Variants in TTN observed in about 807,000 individuals in gnomAD.
TTN encodes the protein titin, also known as connectin.
TTN carries 1,525 observed loss-of-function variants against 3,223.0 expected under a neutral mutation model. The ratio of observed to expected loss-of-function variants is 0.47; its 90% CI spans 0.45 to 0.49. The LOEUF is 0.49. TTN is among the 20% of genes least tolerant of loss of function. The pLI, the probability that TTN is intolerant of heterozygous loss-of-function variation, is 0.00. For synonymous variants in TTN, 14,094 were observed against 15,161.0 expected (o/e 0.93, Z 5.17); for missense variants, 40,786 against 43,424.0 (o/e 0.94, Z 5.40).
Position 178,717,590 on chromosome 2 carries a change from C to T in TTN, c.25284G>A (p.Gly8428=), listed in dbSNP as rs781644794. ...QILQTDQSHI[G]QYNCSASNPL... is the part of the protein sequence containing the mutation. ...GATTAGAAGCAGAGCAATTATACTG[C>T]CCTATGTGGCTCTGGTCAGTTTGTA... The change falls in exon 87 of 363, where the codon GGG becomes GGA. Residue 8428 remains glycine (G), a synonymous_variant. Coordinates refer to ENST00000589042, the MANE Select transcript of TTN (RefSeq NM_001267550.2). 4 of 1,613,094 alleles carry T rather than the reference C, an allele frequency of 2.5e-6. No individual in the cohort carries two copies. The East Asian group carries it at 6.7e-5, about 27-fold the overall frequency.
At position 178,565,773 on chromosome 2, in the gene TTN, C is replaced by T; in HGVS notation, c.80359G>A (p.Val26787Ile). The change falls in exon 326 of 363, where the codon GTT (valine) becomes ATT (isoleucine). Residue 26787 changes from valine to isoleucine, a missense_variant. By Grantham distance (29) the Val-to-Ile change is conservative. Coordinates refer to ENST00000589042, the MANE Select transcript of TTN (RefSeq NM_001267550.2). ...GTCTGGGACACATCAGTGAGTGTAACCTTTCCTGGTGGGGAAGGAGGTTCA... is the reference window on the plus strand; with the variant it reads ...GTCTGGGACACATCAGTGAGTGTAATCTTTCCTGGTGGGGAAGGAGGTTCA... Reference protein sequence around the residue: ...AAEPPSPPGKVTLTDVSQTSA... With the variant: ...AAEPPSPPGKITLTDVSQTSA... 6.2e-7 allele frequency: 1 copy of T among 1,613,598 alleles called. No individual in the cohort carries two copies.
At position 178,666,880 on chromosome 2, in the gene TTN, A is replaced by T. The variant is rs2066031446; in HGVS notation, c.35819T>A (p.Val11940Asp). 2 of 1,566,980 alleles carry T rather than the reference A, an allele frequency of 1.3e-6. No homozygotes were observed. The highest frequency in any genetic ancestry group is 8.7e-7 in the Non-Finnish European group (1 of 1,155,566). ...PTEEFEVFKE[V>D]IPEGETPIVK... ...AATAGGAGTTTCTCCCTCTGGAATG[A>T]CTTCCTTGAAGACTTCAAACTCTTT... The change falls in exon 163 of 363, where the codon GTC becomes GAC. Residue 11940 changes from valine (V) to aspartate (D), a missense_variant. Coordinates refer to ENST00000589042, the MANE Select transcript of TTN (RefSeq NM_001267550.2).
intron 117 of TTN, 94 bp from the exon 118 acceptor site, chr2:178,694,102 G>T: frequency 2.2e-6 from 2 of 907,574 alleles, no homozygotes; most frequent in Non-Finnish European, 1.7e-6. Flanking sequence ...TTTAGACACA[G>T]AATGAGTGGG....
Position 178,786,018 on chromosome 2 carries a change from C to T in TTN, c.2200G>A (p.Glu734Lys), listed in dbSNP as rs761720375. 2.5e-6 allele frequency: 4 copies of T among 1,614,106 alleles called. No individual in the cohort carries two copies. Among genetic ancestry groups the T allele is most frequent in the Non-Finnish European group, 3.4e-6 (4 of 1,180,004 alleles). ...EESYAQQTTL[E>K]YGYKERISAA... Reference sequence around the variant, plus strand: ...GAAATGCGTTCCTTATATCCGTACTCCAAAGTGGTCTGCTGAGCATAGGAT... The same window carrying T: ...GAAATGCGTTCCTTATATCCGTACTTCAAAGTGGTCTGCTGAGCATAGGAT... Residue 734 changes from glutamate (E) to lysine (K), a missense_variant, in exon 14 of 363, where the codon GAG becomes AAG. Glu to Lys is a moderately conservative substitution (Grantham distance 56, BLOSUM62 1). Transcript: ENST00000589042.
Position 178,592,576 on chromosome 2 carries a change from A to C in TTN, c.59429T>G (p.Ile19810Ser). 1 of 1,613,484 alleles carries C rather than the reference A, an allele frequency of 6.2e-7. No homozygotes were observed. The highest frequency in any genetic ancestry group is 8.5e-7 in the Non-Finnish European group (1 of 1,179,586). ...TACTTTTGGGAATGGCACTCCTTTG[A>C]TGATGGCACTAAGTCTTAGAGTATC... ...VGDTLRLSAI[I>S]KGVPFPKVTW... The change falls in exon 301 of 363, where the codon ATC (isoleucine) becomes AGC (serine). Residue 19810 changes from isoleucine (I) to serine (S), a missense_variant. Coordinates refer to ENST00000589042, the MANE Select transcript of TTN (RefSeq NM_001267550.2).
chr2:178,600,854 A>T lies in TTN; in HGVS notation c.56050T>A (p.Cys18684Ser). The T allele has an allele frequency of 6.2e-7, 1 of 1,612,798 alleles. No individual in the cohort carries two copies. Among genetic ancestry groups the T allele is most frequent in the Non-Finnish European group, 8.5e-7 (1 of 1,179,158 alleles). Residue 18684 changes from cysteine to serine, a missense_variant and splice_region_variant, in exon 288 of 363, where the codon TGC becomes AGC. Cys to Ser is a moderately radical substitution (Grantham distance 112). Transcript: ENST00000589042. ...VGPVTVKDQT[C>S]PPSIDLKEFM... ...TCTTTGTCAGTACATTGGTACTTAC[A>T]TGTCTGGTCTTTGACAGTCACAGGG...
At chr2:178,804,458 G>C in intron 2 of TTN, 94 bp downstream of exon 2, 1 of 1,248,446 alleles carries the variant, frequency 8.0e-7, no homozygotes, top group East Asian at 2.4e-5. Flanking sequence ...AGTGAAAGCA[G>C]GGCTTAAACT....
At chr2:178,742,464 T>C (rs1202527223) in intron 47 of TTN, among the ~76,000 whole-genome samples, 1 of 152,170 alleles carries the variant, frequency 6.6e-6, no homozygotes, top group Non-Finnish European at 1.5e-5. Context: ...AACCACTGTT[T>C]TCAGTTTCTA....
At position 178,546,401 on chromosome 2, in the gene TTN, C is replaced by T. The variant is rs958594083; in HGVS notation, c.94930G>A (p.Glu31644Lys). 2.0e-5 allele frequency: 33 copies of T among 1,613,592 alleles called. No individual in the cohort carries two copies. The highest frequency in any genetic ancestry group is 2.7e-5 in the Non-Finnish European group (32 of 1,179,756). Residue 31644 changes from glutamate (E) to lysine (K), a missense_variant, in exon 342 of 363, where the codon GAA (glutamate) becomes AAA (lysine). Glu to Lys is a moderately conservative substitution (Grantham distance 56). Coordinates refer to ENST00000589042, the MANE Select transcript of TTN (RefSeq NM_001267550.2). ...VLDAAVGGKP[E>K]PKIIWTKGDK... Reference sequence around the variant, plus strand: ...CCTTTGGTCCAGATAATTTTGGGTTCAGGTTTGCCACCAACTGCAGCATCC... The same window carrying T: ...CCTTTGGTCCAGATAATTTTGGGTTTAGGTTTGCCACCAACTGCAGCATCC...
At chr2:178,798,309 T>G (rs1390787740) in intron 6 of TTN, among the ~76,000 whole-genome samples, 1 of 152,142 alleles carries the variant, frequency 6.6e-6, no homozygotes, top group African/African-American at 2.4e-5. Context: ...ATTTTTCATT[T>G]CATCATATTA....
chr2:178,673,516 C>A, intron 152 of TTN, 117 bp downstream of exon 152: 2 of 659,828 alleles, frequency 3.0e-6, no homozygotes, highest in Middle Eastern at 4.2e-4. Flanking sequence ...TTTTACTGGT[C>A]CTTAATCAGT....
chr2:178,767,399 A>C (rs181351307), intron 40 of TTN, among the ~76,000 whole-genome samples: 1 of 152,360 alleles, frequency 6.6e-6, no homozygotes, highest in Admixed American at 6.5e-5. Context: ...AAACCTTCTG[A>C]GAAAATATCA....
At chr2:178,627,334 A>C (rs1364123123) in intron 240 of TTN, among the ~76,000 whole-genome samples, 1 of 151,908 alleles carries the variant, frequency 6.6e-6, no homozygotes, top group East Asian at 1.9e-4. Context: ...TTGTTTGGTT[A>C]TTGTAGTTTT....
rs773909810 is a variant in TTN, at chr2:178,554,545, C to T, written c.88802G>A (p.Gly29601Glu). 1 of 1,613,822 alleles carries T rather than the reference C, an allele frequency of 6.2e-7. No homozygotes were observed. Among genetic ancestry groups the T allele is most frequent in the Non-Finnish European group, 8.5e-7 (1 of 1,179,830 alleles). The change falls in exon 332 of 363, where the codon GGA (glycine) becomes GAA (glutamate). Residue 29601 changes from glycine to glutamate, a missense_variant. Transcript: ENST00000589042. ...CIITTTKIIK[G>E]NEYIFRVRAV... Reference sequence around the variant, plus strand: ...TCGGACCCGGAAGATGTATTCATTTCCTTTGATAATTTTGGTGGTTGTAAT... The same window carrying T: ...TCGGACCCGGAAGATGTATTCATTTTCTTTGATAATTTTGGTGGTTGTAAT...
intron 47 of TTN, chr2:178,750,000 T>G: frequency 6.2e-7 from 1 of 1,613,232 alleles, no homozygotes; most frequent in Non-Finnish European, 8.5e-7. Flanking sequence ...TCTTGAGGCA[T>G]TGCTTTAGGT....
At chr2:178,639,878 T>C (rs2060999563) in intron 222 of TTN, 90 bp from the exon 223 acceptor site, 4 of 1,460,576 alleles carry the variant, frequency 2.7e-6, no homozygotes, top group Non-Finnish European at 3.7e-6. Context: ...TGATATAATT[T>C]TGAAATCTTC....
At position 178,767,792 on chromosome 2, in the gene TTN, A is replaced by C; in HGVS notation, c.9438T>G (p.Asp3146Glu). ...CCTTTTTAATACTTCGGATGCGAACATCTCTGCCTTCTACAAAGAGTTTTG... is the reference window on the plus strand; with the variant it reads ...CCTTTTTAATACTTCGGATGCGAACCTCTCTGCCTTCTACAAAGAGTTTTG... ...STAKLFVEGRDVRIRSIKKEV... is the reference protein window; with the variant it reads ...STAKLFVEGREVRIRSIKKEV... Residue 3146 changes from aspartate (D) to glutamate (E), a missense_variant, in exon 40 of 363, where the codon GAT (aspartate) becomes GAG (glutamate). Transcript: ENST00000589042. The C allele has an allele frequency of 6.2e-7, 1 of 1,614,174 alleles. No individual in the cohort carries two copies. The highest frequency in any genetic ancestry group is 1.1e-5 in the South Asian group (1 of 91,086).
At chr2:178,728,008 C>G (rs2562854) in intron 67 of TTN, 102 bp downstream of exon 67, 14 of 1,424,186 alleles carry the variant, frequency 9.8e-6, no homozygotes, top group Admixed American at 2.9e-5. Flanking sequence ...TCTAAAGAAC[C>G]AGAATCATAG....
chr2:178,725,167 A>T, intron 71 of TTN: 1 of 501,652 alleles, frequency 2.0e-6, no homozygotes, highest in African/African-American at 2.0e-5. Context: ...TTAAACAATA[A>T]AACAGATGTC....
Sources: allele counts gnomAD v4.1 joint callset (sites outside exome capture counted in the v4.1 genomes callset), GRCh38; gene constraint gnomAD v4.1.1; transcripts MANE v1.5; gene names NCBI Gene and HGNC (gene_info 2026-07-23, HGNC 2026-07-21).